Variants in VPS8 observed in about 807,000 individuals in gnomAD.
VPS8 encodes VPS8 subunit of CORVET complex.
VPS8 carries 129 observed loss-of-function variants against 216.4 expected under a neutral mutation model. The observed-to-expected ratio is 0.60, with a 90% confidence interval of 0.52 to 0.69. The LOEUF (loss-of-function observed/expected upper bound fraction) is 0.69, where lower values mean the gene tolerates loss of function less well. VPS8 is among the 30% of genes least tolerant of loss of function. VPS8 has a pLI of 0.00. For synonymous variants in VPS8, 571 were observed against 565.4 expected, an observed-to-expected ratio of 1.01 and a Z score of -0.14; for missense variants, 1,531 against 1,683.5, an observed-to-expected ratio of 0.91 and a Z score of 1.59.
At chr3:184,965,928 T>C (rs1432219352) in intron 38 of VPS8, among the ~76,000 whole-genome samples, 1 of 152,232 alleles carries the variant, frequency 6.6e-6, no homozygotes, top group Non-Finnish European at 1.5e-5. Context: ...TTGATGATTT[T>C]AGCTTATAAG....
chr3:184,994,488 GAAAA>G (rs11316264), intron 43 of VPS8, among the ~76,000 whole-genome samples: 1 of 142,972 alleles, frequency 7.0e-6, no homozygotes, highest in Non-Finnish European at 1.5e-5. Flanking sequence ...ACCCTTCTCT[GAAAA>G]AAAAAAAAAA....
chr3:184,891,406 G>A (rs574800024), intron 22 of VPS8, among the ~76,000 whole-genome samples: 5 of 152,208 alleles, frequency 3.3e-5, no homozygotes, highest in African/African-American at 1.2e-4. Context: ...TATTAGGGTG[G>A]TGCAAAAGTA....
intron 1 of VPS8, among the ~76,000 whole-genome samples, chr3:184,821,311 C>G (rs1717532651): frequency 6.6e-6 from 1 of 151,498 alleles, no homozygotes; most frequent in South Asian, 2.1e-4. Flanking sequence ...AGACTAGAAT[C>G]TGAGGCTTGA....
intron 3 of VPS8, 146 bp from the exon 4 acceptor site, chr3:184,832,543 T>G (rs1720220861): frequency 1.4e-6 from 1 of 689,814 alleles, no homozygotes; most frequent in Admixed American, 3.3e-5. Flanking sequence ...TTCTGTATGG[T>G]TTCTTTCTGG....
intron 40 of VPS8, among the ~76,000 whole-genome samples, chr3:184,973,078 G>T (rs533390608): frequency 6.6e-6 from 1 of 152,256 alleles, no homozygotes; most frequent in South Asian, 2.1e-4. Context: ...AATGTAAATT[G>T]TGTATAACAA....
At chr3:184,870,936 C>G in intron 21 of VPS8, 131 bp downstream of exon 21, 1 of 727,616 alleles carries the variant, frequency 1.4e-6, no homozygotes, top group Non-Finnish European at 2.3e-6. Context: ...TATTTCAGGG[C>G]TTGTAGAACA....
intron 15 of VPS8, among the ~76,000 whole-genome samples, chr3:184,860,468 TAC>T (rs59791657): frequency 0.071 from 10,396 of 147,208 alleles, 375 homozygotes; most frequent in Non-Finnish European, 0.085. Context: ...TACACACACA[TAC>T]ACACACACAC....
chr3:184,938,085 G>A (rs959860986), intron 35 of VPS8, among the ~76,000 whole-genome samples: 1 of 152,188 alleles, frequency 6.6e-6, no homozygotes, highest in Non-Finnish European at 1.5e-5. Flanking sequence ...AGAAGGTCTA[G>A]GCAAAAGATG....
At chr3:185,046,135 G>A (rs934853058) in intron 46 of VPS8, among the ~76,000 whole-genome samples, 1 of 152,198 alleles carries the variant, frequency 6.6e-6, no homozygotes, top group Non-Finnish European at 1.5e-5. Flanking sequence ...TCTTCCAGTT[G>A]GAAAATCACT....
At chr3:185,037,720 C>CT in intron 46 of VPS8, among the ~76,000 whole-genome samples, 1 of 152,138 alleles carries the variant, frequency 6.6e-6, no homozygotes, top group Admixed American at 6.5e-5. Flanking sequence ...ACCAATTCTT[C>CT]TGCTGGCTCA....
chr3:184,992,321 CA>C (rs972068976), intron 42 of VPS8, among the ~76,000 whole-genome samples: 6 of 152,102 alleles, frequency 3.9e-5, no homozygotes, highest in Admixed American at 3.3e-4. Context: ...TCGTGTTTTC[CA>C]GCAATCATTA....
chr3:184,928,780 T>G (rs541065546), intron 32 of VPS8, among the ~76,000 whole-genome samples: 3 of 152,190 alleles, frequency 2.0e-5, no homozygotes, highest in Non-Finnish European at 4.4e-5. Flanking sequence ...TGAAATAGTC[T>G]TATGATGTTT....
intron 40 of VPS8, among the ~76,000 whole-genome samples, chr3:184,976,543 G>T (rs1749298580): frequency 6.6e-6 from 1 of 151,982 alleles, no homozygotes; most frequent in Admixed American, 6.6e-5. Flanking sequence ...GTGAGGTTTG[G>T]AGTATGAATG....
At chr3:185,032,025 G>A (rs182128714) in intron 46 of VPS8, among the ~76,000 whole-genome samples, 83 of 152,060 alleles carry the variant, frequency 5.5e-4, no homozygotes, top group Non-Finnish European at 4.9e-4. Context: ...TTAGCCAGGC[G>A]TGATGGTGGG....
intron 45 of VPS8, among the ~76,000 whole-genome samples, chr3:185,014,143 T>G (rs1046311969): frequency 6.6e-6 from 1 of 152,234 alleles, no homozygotes; most frequent in African/African-American, 2.4e-5. Context: ...GTTCTCTGTG[T>G]CAGCCCTTGT....
chr3:184,970,587 T>C (rs1354169357), intron 39 of VPS8, among the ~76,000 whole-genome samples: 1 of 152,212 alleles, frequency 6.6e-6, no homozygotes, highest in Non-Finnish European at 1.5e-5. Flanking sequence ...AGTGCCTGAC[T>C]AGTAATCAGC....
intron 46 of VPS8, among the ~76,000 whole-genome samples, chr3:185,025,643 G>A (rs1287100437): frequency 6.6e-6 from 1 of 152,220 alleles, no homozygotes; most frequent in East Asian, 1.9e-4. Context: ...AATGACTGTT[G>A]ATACTTAGAA....
intron 46 of VPS8, among the ~76,000 whole-genome samples, chr3:185,041,115 G>GA (rs1446575055): frequency 2.0e-5 from 3 of 152,008 alleles, no homozygotes; most frequent in Admixed American, 2.0e-4. Flanking sequence ...TGAGGCAGGA[G>GA]AATTGTTTGA....
At chr3:184,892,122 A>G (rs757419874) in intron 22 of VPS8, among the ~76,000 whole-genome samples, 2 of 152,182 alleles carry the variant, frequency 1.3e-5, no homozygotes, top group South Asian at 2.1e-4. Flanking sequence ...GTAAACATCA[A>G]TTTTGAAGTC....
Sources: gnomAD v4.1 joint callset for allele counts (sites outside exome capture counted in the v4.1 genomes callset) on GRCh38, gnomAD v4.1.1 for gene constraint, MANE v1.5 for transcripts, NCBI Gene and HGNC (gene_info 2026-07-23, HGNC 2026-07-21) for gene names.